Variants in FLCN observed in about 807,000 individuals in gnomAD.
FLCN encodes the protein BHD skin lesion fibrofolliculoma protein.
In FLCN, 22 loss-of-function variants were observed where a neutral mutation model predicts 62.5. That is an observed-to-expected ratio of 0.35 (90% CI 0.25 to 0.50). The LOEUF is 0.50. Among genes scored for constraint, FLCN ranks in the 20% least tolerant of loss-of-function variants. The probability of loss-of-function intolerance (pLI) is 0.97; values close to 1 mark genes in which losing one functional copy is unlikely to be tolerated. For synonymous variants in FLCN, 319 were observed against 310.0 expected (o/e 1.03, Z -0.30); for missense variants, 657 against 778.0 (o/e 0.84, Z 1.85).
At chr17:17,230,904 TTAAA>T (rs1402193184) in intron 3 of FLCN, among the ~76,000 whole-genome samples, 3 of 150,514 alleles carry the variant, frequency 2.0e-5, no homozygotes, top group East Asian at 2.0e-4. Context: ...CTCGAAAAAA[TTAAA>T]TAAATAGGCT....
At position 17,216,594 on chromosome 17, in the gene FLCN, C is replaced by G; in HGVS notation, c.1177-91G>C. 1 of 1,576,108 alleles carries G rather than the reference C, an allele frequency of 6.3e-7. No individual in the cohort carries two copies. The highest frequency in any genetic ancestry group is 1.3e-5 in the African/African-American group (1 of 74,240). ...CTACTACCCAAACCCCACACGCCTCCTGCAGCCCGGTCCAAGCCCTCCCTC... is the reference window on the plus strand; with the variant it reads ...CTACTACCCAAACCCCACACGCCTCGTGCAGCCCGGTCCAAGCCCTCCCTC... On this transcript the variant is annotated intron_variant, in intron 10 of 13. Transcript: ENST00000285071. The surrounding 1 kb of genome is among the most constrained non-coding windows in gnomAD (Gnocchi z 4.0).
At chr17:17,220,398 G>A (rs1022523662) in intron 8 of FLCN, 1 of 152,192 alleles carries the variant, frequency 6.6e-6, no homozygotes, top group Admixed American at 6.5e-5. Flanking sequence ...GCTGTTCTGA[G>A]GTCAGCACTA....
chr17:17,221,210 C>A, intron 8 of FLCN: 1 of 1,519,994 alleles, frequency 6.6e-7, no homozygotes, highest in Non-Finnish European at 8.8e-7. Flanking sequence ...CAAAGACCGT[C>A]GACCAGGCCA....
chr17:17,228,177 G>T lies in FLCN; in HGVS notation c.-24-16C>A. ...TGCAACAGGCCTGCGTGGGACAGGG[G>T]ACATGTCAGCTTGCCAATGCCTATT... On this transcript the variant is annotated splice_polypyrimidine_tract_variant and intron_variant, in intron 3 of 13. Transcript: ENST00000285071. 1 of 1,604,012 alleles carries T rather than the reference G, an allele frequency of 6.2e-7. No homozygotes were observed. Among genetic ancestry groups the T allele is most frequent in the African/African-American group, 1.3e-5 (1 of 74,986 alleles).
chr17:17,229,973 G>A (rs1306502700), intron 3 of FLCN, among the ~76,000 whole-genome samples: 3 of 152,184 alleles, frequency 2.0e-5, no homozygotes, highest in African/African-American at 4.8e-5. Context: ...GGATGGCCGC[G>A]GCAGCATGAG....
intron 7 of FLCN, 27 bp from the exon 8 acceptor site, chr17:17,221,655 C>G: frequency 6.2e-7 from 1 of 1,600,992 alleles, no homozygotes; most frequent in African/African-American, 1.3e-5. Context: ...CAGCTATGAG[C>G]GTTCTCGCCA....
intron 4 of FLCN, among the ~76,000 whole-genome samples, chr17:17,227,479 C>G (rs771820454): frequency 6.6e-6 from 1 of 152,078 alleles, no homozygotes; most frequent in Non-Finnish European, 1.5e-5. Flanking sequence ...TTTGGGAGGC[C>G]GAGGCAGGTG....
chr17:17,213,875 A>G lies in FLCN; in HGVS notation c.1539-19T>C, dbSNP rs772021650. Reference sequence around the variant, plus strand: ...CACTTTGCTGAAGAAAACCAAAACAAAACACTCAGACACCACAGCACAATC... The same window carrying G: ...CACTTTGCTGAAGAAAACCAAAACAGAACACTCAGACACCACAGCACAATC... On this transcript the variant is annotated intron_variant, in intron 13 of 13. Transcript: ENST00000285071. 1.9e-6 allele frequency: 3 copies of G among 1,613,308 alleles called. No individual in the cohort carries two copies. Among genetic ancestry groups the G allele is most frequent in the Non-Finnish European group, 2.5e-6 (3 of 1,179,564 alleles).
At chr17:17,232,227 T>C (rs1449716547) in intron 2 of FLCN, among the ~76,000 whole-genome samples, 1 of 152,180 alleles carries the variant, frequency 6.6e-6, no homozygotes, top group Non-Finnish European at 1.5e-5. Context: ...CTTGCTCCCC[T>C]GCTCAGAGTA....
chr17:17,230,238 G>A (rs1181372955), intron 3 of FLCN, among the ~76,000 whole-genome samples: 9 of 152,244 alleles, frequency 5.9e-5, no homozygotes, highest in Admixed American at 2.6e-4. Flanking sequence ...AGGAGAGGCC[G>A]GCACAGTGGC....
At chr17:17,235,188 G>A (rs956315433) in intron 1 of FLCN, among the ~76,000 whole-genome samples, 81 of 151,892 alleles carry the variant, frequency 5.3e-4, no homozygotes, top group Non-Finnish European at 1.5e-4. Flanking sequence ...TCTGAGGCAG[G>A]AGAATTGCTT....
chr17:17,219,643 C>T (rs2047033257), intron 8 of FLCN: 1 of 169,312 alleles, frequency 5.9e-6, no homozygotes, highest in Admixed American at 6.1e-5. Flanking sequence ...AATCTCGGCT[C>T]ACTGCAACCT....
chr17:17,216,970 C>T lies in FLCN; in HGVS notation c.1176+99G>A. On this transcript the variant is annotated intron_variant, in intron 10 of 13. Coordinates refer to ENST00000285071, the MANE Select transcript of FLCN (RefSeq NM_144997.7). The surrounding 1 kb of genome is among the most constrained non-coding windows in gnomAD (Gnocchi z 4.0). ...GGAGACCGTGTGGTGCACAGCGGTT[C>T]TGTGCTGGGCAGTCGGTGCACCTTG... The T allele has an allele frequency of 2.3e-6, 2 of 885,608 alleles. No homozygotes were observed. The highest frequency in any genetic ancestry group is 3.8e-6 in the Non-Finnish European group (2 of 533,006). 54.9% of individuals were successfully genotyped at this position (885,608 alleles called of 1,614,324 possible). A position where few individuals can be genotyped will look rare whatever the true frequency, so the allele number is the denominator to read the frequency against.
chr17:17,235,097 A>ATG (rs1467356520), intron 1 of FLCN, among the ~76,000 whole-genome samples: 6 of 135,298 alleles, frequency 4.4e-5, no homozygotes, highest in African/African-American at 1.1e-4. Flanking sequence ...GCCACAGAGC[A>ATG]AGACTCCATT....
Position 17,216,352 on chromosome 17 carries a change from T to C in FLCN, c.1300+28A>G, listed in dbSNP as rs1465417799. 2.5e-6 allele frequency: 4 copies of C among 1,612,572 alleles called. No individual in the cohort carries two copies. The highest frequency in any genetic ancestry group is 3.4e-6 in the Non-Finnish European group (4 of 1,179,434). On this transcript the variant is annotated intron_variant, in intron 11 of 13. Transcript: ENST00000285071. This position sits in a 1 kb window ranked among gnomAD's most constrained non-coding sequence, Gnocchi z 4.0. Reference sequence around the variant, plus strand: ...GCGTGGGGAACCTCAGCGCAGGGCATGGCCCCACAGCCCGCGGGGGCACGC... The same window carrying C: ...GCGTGGGGAACCTCAGCGCAGGGCACGGCCCCACAGCCCGCGGGGGCACGC...
intron 3 of FLCN, 103 bp from the exon 4 acceptor site, chr17:17,228,264 C>T: frequency 6.9e-7 from 1 of 1,439,554 alleles, no homozygotes; most frequent in South Asian, 1.4e-5. Context: ...CCATGGACTT[C>T]CTGCCCAGGA....
At position 17,216,294 on chromosome 17, in the gene FLCN, A is replaced by G; in HGVS notation, c.1300+86T>C. 2 of 1,584,706 alleles carry G rather than the reference A, an allele frequency of 1.3e-6. No individual in the cohort carries two copies. The highest frequency in any genetic ancestry group is 1.7e-6 in the Non-Finnish European group (2 of 1,164,040). ...CAATGAGGCCTCCTCTCCACAACCC[A>G]TGACAGAGATCTGGTTCCACTTTGG... is the stretch of plus-strand genomic sequence containing the variant. On this transcript the variant is annotated intron_variant, in intron 11 of 13. Coordinates refer to ENST00000285071, the MANE Select transcript of FLCN (RefSeq NM_144997.7). The surrounding 1 kb of genome is among the most constrained non-coding windows in gnomAD (Gnocchi z 4.0).
At chr17:17,218,981 C>A in intron 9 of FLCN, 38 bp downstream of exon 9, 1 of 1,609,004 alleles carries the variant, frequency 6.2e-7, no homozygotes, top group South Asian at 1.1e-5. Context: ...ACTGGCTCTC[C>A]TCCTGAGCTC....
At chr17:17,236,564 T>C (rs2145149975) in intron 1 of FLCN, among the ~76,000 whole-genome samples, 1 of 152,172 alleles carries the variant, frequency 6.6e-6, no homozygotes, top group South Asian at 2.1e-4. Flanking sequence ...AGCGCGGTCT[T>C]CCACCCTCCC....
Sources: gnomAD v4.1 joint callset for allele counts (sites outside exome capture counted in the v4.1 genomes callset) on GRCh38, gnomAD v4.1.1 for gene constraint, Gnocchi (gnomAD v3.1) non-coding constraint, MANE v1.5 for transcripts, NCBI Gene and HGNC (gene_info 2026-07-23, HGNC 2026-07-21) for gene names.